TTC33: variants seen among roughly 807,000 people sequenced by gnomAD.
TTC33 encodes tetratricopeptide repeat domain 33.
TTC33 carries 24 observed loss-of-function variants against 29.4 expected under a neutral mutation model. The ratio of observed to expected loss-of-function variants is 0.82; its 90% CI spans 0.59 to 1.15. The LOEUF is 1.15. Ranked by LOEUF, TTC33 falls within the 50% of genes most tolerant of loss-of-function variation. The pLI, the probability that TTC33 is intolerant of heterozygous loss-of-function variation, is 0.00. For missense variants in TTC33, 286 were observed against 310.4 expected, an observed-to-expected ratio of 0.92 and a Z score of 0.59; for synonymous variants, 107 against 100.3, an observed-to-expected ratio of 1.07 and a Z score of -0.40.
In TTC33 at chr5:40,747,035, G is replaced by A; in HGVS notation, c.-1-16C>T. ...GGAAGCCATTCTGGAAAATTACAAA[G>A]AAACAGCTTTAAAATTCTAACTTGA... On this transcript the variant is annotated splice_polypyrimidine_tract_variant and intron_variant, in intron 1 of 4. Transcript: ENST00000337702. 1 of 1,583,164 alleles carries A rather than the reference G, an allele frequency of 6.3e-7. No individual in the cohort carries two copies. Among genetic ancestry groups the A allele is most frequent in the African/African-American group, 1.4e-5 (1 of 73,274 alleles).
intron 4 of TTC33, among the ~76,000 whole-genome samples, chr5:40,726,520 A>G (rs887613771): frequency 1.7e-4 from 26 of 151,116 alleles, no homozygotes; most frequent in African/African-American, 6.3e-4. Flanking sequence ...ATAAAAACAG[A>G]GAAGATTCCT....
At chr5:40,728,816 C>A (rs780820082) in intron 3 of TTC33, among the ~76,000 whole-genome samples, 1 of 152,168 alleles carries the variant, frequency 6.6e-6, no homozygotes, top group Non-Finnish European at 1.5e-5. Context: ...TTTCAGGGAA[C>A]CCCAGGTATT....
rs574061199 is a variant in TTC33, at chr5:40,748,828, G to A, written c.-1-1809C>T. ...AACGACTTAACTCACAAAATTATTGGGTAAATTTTAAAATAACAGATGCTG... is the reference window on the plus strand; with the variant it reads ...AACGACTTAACTCACAAAATTATTGAGTAAATTTTAAAATAACAGATGCTG... On this transcript the variant is annotated intron_variant, in intron 1 of 4. Coordinates refer to ENST00000337702, the MANE Select transcript of TTC33 (RefSeq NM_012382.3). Among the ~76,000 whole-genome samples the A allele has an allele frequency of 2.9e-4, 44 of 152,196 alleles. No homozygotes were observed. In the South Asian group the frequency reaches 9.1e-3, roughly 32 times the overall value.
At chr5:40,743,229 A>G (rs2111925962) in intron 2 of TTC33, among the ~76,000 whole-genome samples, 1 of 152,332 alleles carries the variant, frequency 6.6e-6, no homozygotes, top group African/African-American at 2.4e-5. Context: ...ATGACAAATG[A>G]GCAGAAATCC....
intron 2 of TTC33, among the ~76,000 whole-genome samples, chr5:40,741,585 T>G (rs1250715800): frequency 3.3e-5 from 5 of 152,214 alleles, no homozygotes. Context: ...TCTAGCTGTG[T>G]CAGCCTCTCC....
At chr5:40,738,161 C>T (rs1202341367) in intron 2 of TTC33, among the ~76,000 whole-genome samples, 2 of 152,064 alleles carry the variant, frequency 1.3e-5, no homozygotes, top group Non-Finnish European at 2.9e-5. Flanking sequence ...CCTGTAATCC[C>T]AGCACTTTGG....
At position 40,728,495 on chromosome 5, in the gene TTC33, CA is replaced by C. The variant is rs534375567; in HGVS notation, c.304-20del. On this transcript the variant is annotated intron_variant, in intron 3 of 4. Coordinates refer to ENST00000337702, the MANE Select transcript of TTC33 (RefSeq NM_012382.3). ...TTAGCACCTATAGGCAAAAAAAGAC[CA>C]AAAAATCTGTCAGTAATATTCATAA... The C allele has an allele frequency of 3.2e-6, 5 of 1,572,576 alleles. No homozygotes were observed. The highest frequency in any genetic ancestry group is 2.3e-5 in the East Asian group (1 of 44,278).
intron 1 of TTC33, among the ~76,000 whole-genome samples, chr5:40,750,602 G>A (rs922921272): frequency 2.0e-5 from 3 of 151,764 alleles, no homozygotes; most frequent in African/African-American, 4.8e-5. Flanking sequence ...TTGCTGCATC[G>A]ACTGATTCTC....
In TTC33 at chr5:40,712,655, C is replaced by T. The variant is rs915238800; in HGVS notation, c.*3490G>A. On this transcript the variant is annotated 3_prime_UTR_variant, in exon 5 of 5. Coordinates refer to ENST00000337702, the MANE Select transcript of TTC33 (RefSeq NM_012382.3). ...TGTAGCTGGCAAGAGACCACAACAT[C>T]GGTTCTCTGCAGTTATGACAAATCC... Among the ~76,000 whole-genome samples, 1 of 152,142 alleles carries T rather than the reference C, an allele frequency of 6.6e-6. No homozygotes were observed. The highest frequency in any genetic ancestry group is 1.5e-5 in the Non-Finnish European group (1 of 68,018).
chr5:40,730,373 T>A (rs1742394294), intron 2 of TTC33, 30 bp from the exon 3 acceptor site: 1 of 1,560,946 alleles, frequency 6.4e-7, no homozygotes, highest in Non-Finnish European at 8.8e-7. Flanking sequence ...ATCAATGCCA[T>A]ATTTTCAATA....
rs1221769055 is a variant in TTC33, at chr5:40,746,916, T to G, written c.103A>C (p.Asn35His). The change falls in exon 2 of 5, where the codon AAC becomes CAC. Residue 35 changes from asparagine (N) to histidine (H), a missense_variant. Coordinates refer to ENST00000337702, the MANE Select transcript of TTC33 (RefSeq NM_012382.3). ...GCATGAAGCCAGTTCCCTTCATCGTTGTCAACTACATCCTTCTCATCAGCA... is the reference window on the plus strand; with the variant it reads ...GCATGAAGCCAGTTCCCTTCATCGTGGTCAACTACATCCTTCTCATCAGCA... ...EAADEKDVVD[N>H]DEGNWLHAIK... 1.2e-6 allele frequency: 2 copies of G among 1,614,110 alleles called. No homozygotes were observed. Among genetic ancestry groups the G allele is most frequent in the Non-Finnish European group, 1.7e-6 (2 of 1,180,060 alleles).
Position 40,714,208 on chromosome 5 carries a change from G to A in TTC33, c.*1937C>T, listed in dbSNP as rs984049733. On this transcript the variant is annotated 3_prime_UTR_variant, in exon 5 of 5. Coordinates refer to ENST00000337702, the MANE Select transcript of TTC33 (RefSeq NM_012382.3). ...TATCTCTCCTATAATACTGGAATCAGAGACTTCTTACTTTCAGATAAGGAA... is the reference window on the plus strand; with the variant it reads ...TATCTCTCCTATAATACTGGAATCAAAGACTTCTTACTTTCAGATAAGGAA... Among the ~76,000 whole-genome samples, 2 of 152,122 alleles carry A rather than the reference G, an allele frequency of 1.3e-5. No individual in the cohort carries two copies. Among genetic ancestry groups the A allele is most frequent in the African/African-American group, 2.4e-5 (1 of 41,430 alleles).
rs1394071156 is a variant in TTC33 at position 40,713,227 on chromosome 5, T to C, written c.*2918A>G. On this transcript the variant is annotated 3_prime_UTR_variant, in exon 5 of 5. Coordinates refer to ENST00000337702, the MANE Select transcript of TTC33 (RefSeq NM_012382.3). ...TCATGAAATCATAGCTCAGAATTGC[T>C]GGTCCAGAGTCACTTTAGAATGGCT... is the stretch of plus-strand genomic sequence containing the variant. 6.6e-6 allele frequency among the ~76,000 whole-genome samples: 1 copy of C among 152,170 alleles called. No individual in the cohort carries two copies. The highest frequency in any genetic ancestry group is 2.4e-5 in the African/African-American group (1 of 41,466).
chr5:40,746,483 T>C lies in TTC33; in HGVS notation c.221+315A>G, dbSNP rs193196485. Among the ~76,000 whole-genome samples, 548 of 152,310 alleles carry C rather than the reference T, an allele frequency of 3.6e-3. 1 individual carries two copies. The highest frequency in any genetic ancestry group is 6.1e-3 in the Non-Finnish European group (415 of 68,024). On this transcript the variant is annotated intron_variant, in intron 2 of 4. Coordinates refer to ENST00000337702, the MANE Select transcript of TTC33 (RefSeq NM_012382.3). ...AAAGTTTCCAGTGATAAGACCACCT[T>C]TTACTGACCAATCACTTGAATTACA... is the stretch of plus-strand genomic sequence containing the variant.
At chr5:40,722,387 C>T (rs965839154) in intron 4 of TTC33, among the ~76,000 whole-genome samples, 35 of 151,636 alleles carry the variant, frequency 2.3e-4, no homozygotes, top group Admixed American at 7.9e-4. Context: ...ATGTGAGGAG[C>T]CCCTCTGCCC....
At chr5:40,750,042 T>C (rs1172787144) in intron 1 of TTC33, among the ~76,000 whole-genome samples, 3 of 150,822 alleles carry the variant, frequency 2.0e-5, no homozygotes, top group Non-Finnish European at 4.4e-5. Flanking sequence ...GAGCTGAGAT[T>C]GCACCACTGC....
At chr5:40,741,416 G>A (rs1475752336) in intron 2 of TTC33, among the ~76,000 whole-genome samples, 1 of 152,168 alleles carries the variant, frequency 6.6e-6, no homozygotes, top group East Asian at 1.9e-4. Flanking sequence ...CGCTACGAAT[G>A]GTTCAGCTTA....
chr5:40,714,004 CT>C lies in TTC33; in HGVS notation c.*2140del, dbSNP rs1561140513. Among the ~76,000 whole-genome samples the C allele has an allele frequency of 6.6e-6, 1 of 152,120 alleles. No individual in the cohort carries two copies. ...CTTACTGTTTCTTTTTCTCCTCTGT[CT>C]TATGTCTAAACTATTTTATGTCTTA... On this transcript the variant is annotated 3_prime_UTR_variant, in exon 5 of 5. Coordinates refer to ENST00000337702, the MANE Select transcript of TTC33 (RefSeq NM_012382.3).
chr5:40,717,357 A>G (rs1742024783), intron 4 of TTC33, among the ~76,000 whole-genome samples: 1 of 152,160 alleles, frequency 6.6e-6, no homozygotes, highest in African/African-American at 2.4e-5. Flanking sequence ...AACCAAAGGT[A>G]TCAGCTGGGA....
Sources: gnomAD v4.1 joint callset for allele counts (sites outside exome capture counted in the v4.1 genomes callset) on GRCh38, gnomAD v4.1.1 for gene constraint, MANE v1.5 for transcripts, NCBI Gene and HGNC (gene_info 2026-07-23, HGNC 2026-07-21) for gene names.